The following COL14A1 variants were observed in gnomAD, a reference collection of about 807,000 sequenced individuals.
The protein encoded by COL14A1 is collagen alpha-1(XIV) chain.
COL14A1 carries 136 observed loss-of-function variants against 230.3 expected under a neutral mutation model. The observed-to-expected ratio is 0.59, with a 90% CI of 0.51 to 0.68. The LOEUF (loss-of-function observed/expected upper bound fraction) is 0.68. Ranked by LOEUF, COL14A1 falls within the 30% of genes least tolerant of loss-of-function variation. The probability of loss-of-function intolerance (pLI) is 0.00; values close to 1 mark genes in which losing one functional copy is unlikely to be tolerated. For missense variants in COL14A1, 1,976 were observed against 2,215.8 expected (o/e 0.89, Z 2.17); for synonymous variants, 792 against 784.1 (o/e 1.01, Z -0.17).
intron 43 of COL14A1, 24 bp downstream of exon 43, chr8:120,341,384 T>G (rs1822292729): frequency 6.2e-7 from 1 of 1,613,718 alleles, no homozygotes; most frequent in South Asian, 1.1e-5. Context: ...GGCTCTGCTT[T>G]CTGGCCCCAG....
chr8:120,202,587 CATT>C (rs1817286392), intron 8 of COL14A1, among the ~76,000 whole-genome samples: 1 of 152,148 alleles, frequency 6.6e-6, no homozygotes, highest in East Asian at 1.9e-4. Flanking sequence ...CTATCTCTAA[CATT>C]GTTGGTAAAT....
intron 35 of COL14A1, among the ~76,000 whole-genome samples, chr8:120,298,937 C>T (rs1586842823): frequency 6.6e-6 from 1 of 151,774 alleles, no homozygotes; most frequent in East Asian, 1.9e-4. Flanking sequence ...GGGAAGCAAA[C>T]ACTTCCTTCT....
At chr8:120,192,465 G>A (rs984717829) in intron 5 of COL14A1, among the ~76,000 whole-genome samples, 3 of 152,058 alleles carry the variant, frequency 2.0e-5, no homozygotes, top group African/African-American at 7.2e-5. Flanking sequence ...CTTTCTCTCT[G>A]GCTGCCCTTA....
intron 4 of COL14A1, among the ~76,000 whole-genome samples, chr8:120,166,875 AGTGTGTGTGTGTGTGTGTGTGT>A (rs4053270): frequency 1.4e-4 from 16 of 117,064 alleles, no homozygotes; most frequent in East Asian, 5.1e-4. Context: ...AAAGAATTTA[AGTGTGTGTGTGTGTGTGTGTGT>A]GTGTGTGTGT....
chr8:120,158,028 G>A (rs1815537801), intron 2 of COL14A1, 102 bp from the exon 3 acceptor site: 1 of 632,188 alleles, frequency 1.6e-6, no homozygotes. Context: ...GGCTGATGAA[G>A]TCTTTTGTGT....
chr8:120,161,108 G>A (rs1019624556), intron 3 of COL14A1, among the ~76,000 whole-genome samples: 2 of 152,106 alleles, frequency 1.3e-5, no homozygotes, highest in African/African-American at 4.8e-5. Flanking sequence ...GAACATAAAC[G>A]CACATAAGGA....
chr8:120,367,407 TC>T (rs1297093258), intron 46 of COL14A1, among the ~76,000 whole-genome samples, 159 bp downstream of exon 46: 1 of 152,200 alleles, frequency 6.6e-6, no homozygotes, highest in Non-Finnish European at 1.5e-5. Context: ...ATAAGGATCC[TC>T]CCAATATACA....
chr8:120,230,983 C>A (rs1818249018), intron 18 of COL14A1, among the ~76,000 whole-genome samples: 1 of 152,084 alleles, frequency 6.6e-6, no homozygotes, highest in African/African-American at 2.4e-5. Flanking sequence ...AGCCTGAGCG[C>A]AGATTTGTGC....
chr8:120,185,514 A>G (rs1816623452), intron 5 of COL14A1, among the ~76,000 whole-genome samples: 1 of 151,900 alleles, frequency 6.6e-6, no homozygotes, highest in Non-Finnish European at 1.5e-5. Context: ...ACAAACAAAC[A>G]AACATTAACT....
intron 5 of COL14A1, among the ~76,000 whole-genome samples, chr8:120,191,723 G>A (rs1452868789): frequency 6.7e-6 from 1 of 150,168 alleles, no homozygotes; most frequent in Non-Finnish European, 1.5e-5. Flanking sequence ...ATGAATCTGG[G>A]TGCTCCTGTA....
At chr8:120,295,391 C>A (rs528267178) in intron 34 of COL14A1, among the ~76,000 whole-genome samples, 1 of 151,812 alleles carries the variant, frequency 6.6e-6, no homozygotes, top group African/African-American at 2.4e-5. Flanking sequence ...TTTTCTTCCC[C>A]GGTCCTATTC....
chr8:120,258,081 A>C (rs1465540351), intron 23 of COL14A1, among the ~76,000 whole-genome samples: 2 of 152,192 alleles, frequency 1.3e-5, no homozygotes, highest in African/African-American at 4.8e-5. Flanking sequence ...AGGCTTGTTT[A>C]TTAATATTCA....
intron 5 of COL14A1, among the ~76,000 whole-genome samples, chr8:120,183,931 G>A (rs893988577): frequency 6.6e-6 from 1 of 152,088 alleles, no homozygotes; most frequent in African/African-American, 2.4e-5. Flanking sequence ...AGGCTCTGGA[G>A]TTAGTTCTGG....
Position 120,216,439 on chromosome 8 carries a change from C to T in COL14A1, c.1686C>T (p.Ile562=). The T allele has an allele frequency of 6.2e-7, 1 of 1,613,604 alleles. No homozygotes were observed. Among genetic ancestry groups the T allele is most frequent in the Non-Finnish European group, 8.5e-7 (1 of 1,179,778 alleles). ...RLTWDPTSRQ[I]NGYRIVYNNA... ...CCTGGGACCCAACTTCAAGACAGAT[C>T]AATGGTTATCGAATTGTATATAACA... The change falls in exon 14 of 48, where the codon ATC becomes ATT. Residue 562 remains isoleucine, a synonymous_variant. Coordinates refer to ENST00000297848, the MANE Select transcript of COL14A1 (RefSeq NM_021110.4).
At chr8:120,190,055 G>T (rs988344840) in intron 5 of COL14A1, among the ~76,000 whole-genome samples, 2 of 150,234 alleles carry the variant, frequency 1.3e-5, no homozygotes, top group African/African-American at 4.9e-5. Flanking sequence ...CTGAGGAATC[G>T]CCACACTGAC....
chr8:120,125,797 G>C (rs530637336), intron 1 of COL14A1, among the ~76,000 whole-genome samples: 28 of 152,272 alleles, frequency 1.8e-4, no homozygotes, highest in Non-Finnish European at 2.4e-4. Flanking sequence ...CTTGTGTTTG[G>C]GATAGCTTGA....
At position 120,316,333 on chromosome 8, in the gene COL14A1, TAAAG is replaced by T. The variant is rs139998058; in HGVS notation, c.4659+339_4659+342del. 9.0e-3 allele frequency among the ~76,000 whole-genome samples: 1,365 copies of T among 152,252 alleles called. 25 individuals are homozygous for T. The highest frequency in any genetic ancestry group is 0.031 in the African/African-American group (1,268 of 41,546). On this transcript the variant is annotated intron_variant, in intron 40 of 47. Transcript: ENST00000297848. ...CCTTGAGGCATAAATGTAAAGGAAA[TAAAG>T]AACCATATGAATTAAAATTTAAATA...
At chr8:120,326,204 A>G (rs1422424523) in intron 40 of COL14A1, among the ~76,000 whole-genome samples, 5 of 152,274 alleles carry the variant, frequency 3.3e-5, no homozygotes, top group South Asian at 2.1e-4. Context: ...CATGGACCCA[A>G]CCATTCTGAT....
intron 40 of COL14A1, among the ~76,000 whole-genome samples, chr8:120,328,403 T>A (rs937234086): frequency 1.7e-4 from 25 of 151,504 alleles, no homozygotes; most frequent in Non-Finnish European, 3.7e-4. Flanking sequence ...TTTAATTTTT[T>A]TTTTTTTGGT....
Sources: gnomAD v4.1 joint callset for allele counts (sites outside exome capture counted in the v4.1 genomes callset) on GRCh38, gnomAD v4.1.1 for gene constraint, MANE v1.5 for transcripts, NCBI Gene and HGNC (gene_info 2026-07-23, HGNC 2026-07-21) for gene names.